Variants in RSPH10B observed in about 807,000 individuals in gnomAD.
The protein encoded by RSPH10B is radial spoke head 10 homolog B, also known as radial spoke head 10 homolog B (Chlamydomonas).
RSPH10B carries 7 observed loss-of-function variants against 52.5 expected under a neutral mutation model. The observed-to-expected ratio is 0.13, with a 90% CI of 0.08 to 0.25. The LOEUF (loss-of-function observed/expected upper bound fraction) is 0.25. Among genes scored for constraint, RSPH10B ranks in the 10% least tolerant of loss-of-function variants. The pLI is 1.00. For synonymous variants in RSPH10B, 28 were observed against 193.2 expected (o/e 0.14, Z 7.09); for missense variants, 89 against 542.5 (o/e 0.16, Z 8.30).
At chr7:5,927,450 ACTC>A (rs1779558986) in intron 18 of RSPH10B, among the ~76,000 whole-genome samples, 1 of 89,404 alleles carries the variant, frequency 1.1e-5, no homozygotes, top group Admixed American at 1.1e-4. Context: ...TAGTTATTGA[ACTC>A]AATCTCCAGC....
chr7:5,942,110 G>T (rs1275459535), intron 13 of RSPH10B, among the ~76,000 whole-genome samples: 5 of 148,048 alleles, frequency 3.4e-5, no homozygotes, highest in Non-Finnish European at 7.5e-5. Context: ...GGCCAGGCTG[G>T]TCTCAAACTC....
At chr7:5,957,561 G>A (rs1479951237) in intron 6 of RSPH10B, among the ~76,000 whole-genome samples, 1 of 38,286 alleles carries the variant, frequency 2.6e-5, no homozygotes, top group Non-Finnish European at 4.8e-5. Context: ...TGAGGCGCGC[G>A]GATCACTTGA....
intron 6 of RSPH10B, among the ~76,000 whole-genome samples, chr7:5,956,906 C>T (rs1221810932): frequency 1.0e-5 from 1 of 97,178 alleles, no homozygotes; most frequent in African/African-American, 3.6e-5. Context: ...GGGTGCTGTG[C>T]CTCATGCCTG....
intron 18 of RSPH10B, among the ~76,000 whole-genome samples, chr7:5,927,556 C>T (rs1315404381): frequency 7.7e-6 from 1 of 130,316 alleles, no homozygotes; most frequent in Admixed American, 7.6e-5. Flanking sequence ...CAGCGAGAAG[C>T]TATCGAGGGC....
chr7:5,968,230 A>T (rs1781164488), upstream of RSPH10B, among the ~76,000 whole-genome samples: 1 of 149,392 alleles, frequency 6.7e-6, no homozygotes, highest in Non-Finnish European at 1.5e-5. Context: ...CTCTACTAAA[A>T]ATACAAAAAA....
chr7:5,942,229 A>G (rs546146376), intron 13 of RSPH10B, among the ~76,000 whole-genome samples: 2 of 142,408 alleles, frequency 1.4e-5, no homozygotes, highest in South Asian at 2.2e-4. Context: ...CAGTCCATCA[A>G]AAAGACTAAG....
In RSPH10B at chr7:5,932,795, GA is replaced by G; in HGVS notation, c.2219del (p.Phe740SerfsTer31). On this transcript the variant is annotated frameshift_variant, in exon 17 of 19. Transcript: ENST00000337579. LOFTEE classifies it high-confidence loss of function. ...TAAAATACTCACTGCTCTCAGATGA[GA>G]AAAAGGTGATCCCTTTTCCAGTCAA... 2.6e-6 allele frequency: 1 copy of G among 390,900 alleles called. No individual in the cohort carries two copies. Among genetic ancestry groups the G allele is most frequent in the Admixed American group, 5.5e-5 (1 of 18,128 alleles). The allele number at this position is 390,900 out of a possible 1,614,324, so 24.2% of individuals were successfully genotyped here. A position where few individuals can be genotyped will look rare whatever the true frequency, so the allele number is the denominator to read the frequency against.
At chr7:5,944,306 G>A (rs1459397006) in intron 11 of RSPH10B, among the ~76,000 whole-genome samples, 3 of 150,740 alleles carry the variant, frequency 2.0e-5, no homozygotes, top group Admixed American at 1.3e-4. Context: ...GCTGAGGCAG[G>A]AGAATCACTG....
intron 13 of RSPH10B, among the ~76,000 whole-genome samples, chr7:5,940,282 C>T (rs1312995798): frequency 3.2e-5 from 1 of 31,404 alleles, no homozygotes; most frequent in Admixed American, 4.4e-4. Flanking sequence ...TCACTCATAC[C>T]GACCAGCCTG....
chr7:5,944,671 T>C (rs1319300852), intron 11 of RSPH10B, among the ~76,000 whole-genome samples: 3 of 145,874 alleles, frequency 2.1e-5, no homozygotes, highest in Non-Finnish European at 4.5e-5. Flanking sequence ...AAAAAAAGAC[T>C]GCTGAGGCTG....
intron 18 of RSPH10B, among the ~76,000 whole-genome samples, chr7:5,927,308 T>G (rs1320524208): frequency 2.8e-5 from 2 of 71,990 alleles, no homozygotes; most frequent in African/African-American, 1.1e-4. Context: ...CCTAGGCTGG[T>G]CTCAAACTCA....
chr7:5,941,242 C>T (rs1294471818), intron 13 of RSPH10B, among the ~76,000 whole-genome samples: 2 of 142,368 alleles, frequency 1.4e-5, no homozygotes, highest in Admixed American at 7.2e-5. Context: ...GTTGAGGTTG[C>T]AGGAAGCCAA....
rs1361121817 is a variant in RSPH10B, at chr7:5,960,081, CA to C, written c.573+609del. Among the ~76,000 whole-genome samples, 16 of 33,026 alleles carry C rather than the reference CA, an allele frequency of 4.8e-4. No individual in the cohort carries two copies. The East Asian group carries it at 5.4e-3, about 11-fold the overall frequency. The allele number at this position is 33,026 out of a possible 152,430, so 21.7% of individuals were successfully genotyped here. Reference sequence around the variant, plus strand: ...CACACACACACACACACACACACAACAACAACAACAACACAACTCAATAAAT... The same window carrying C: ...CACACACACACACACACACACACAACACAACAACAACACAACTCAATAAAT... On this transcript the variant is annotated intron_variant, in intron 4 of 18. Transcript: ENST00000337579.
intron 13 of RSPH10B, among the ~76,000 whole-genome samples, chr7:5,942,845 A>C (rs1360698258): frequency 6.7e-6 from 1 of 149,870 alleles, no homozygotes; most frequent in Non-Finnish European, 1.5e-5. Context: ...CTGAGTGACA[A>C]GAGCAAAACT....
chr7:5,931,584 G>C (rs1337946905), intron 17 of RSPH10B, among the ~76,000 whole-genome samples: 1 of 151,164 alleles, frequency 6.6e-6, no homozygotes, highest in Non-Finnish European at 1.5e-5. Context: ...ACCAGGCGCG[G>C]TTGGGCTCAT....
chr7:5,964,277 T>C (rs1232512373), intron 3 of RSPH10B, among the ~76,000 whole-genome samples: 1 of 150,634 alleles, frequency 6.6e-6, no homozygotes, highest in Non-Finnish European at 1.5e-5. Flanking sequence ...ACGTGTGCTC[T>C]CTGTGCTTAG....
At chr7:5,927,054 G>GTA (rs1562553121) in intron 18 of RSPH10B, among the ~76,000 whole-genome samples, 2 of 77,184 alleles carry the variant, frequency 2.6e-5, no homozygotes, top group East Asian at 8.6e-4. Context: ...TGTATTATGT[G>GTA]TGTGTGTGTG....
chr7:5,942,388 G>A (rs1356847007), intron 13 of RSPH10B, among the ~76,000 whole-genome samples: 2 of 130,768 alleles, frequency 1.5e-5, no homozygotes, highest in Non-Finnish European at 3.4e-5. Flanking sequence ...TACCACGCCC[G>A]GCTATGATTT....
chr7:5,933,109 T>C (rs1779857382), intron 16 of RSPH10B, among the ~76,000 whole-genome samples: 1 of 81,288 alleles, frequency 1.2e-5, no homozygotes, highest in African/African-American at 4.8e-5. Context: ...CCTCCGCCTC[T>C]CGGGTTCCAG....
Sources: allele counts gnomAD v4.1 joint callset (sites outside exome capture counted in the v4.1 genomes callset), GRCh38; gene constraint gnomAD v4.1.1; transcripts MANE v1.5; gene names NCBI Gene and HGNC (gene_info 2026-07-23, HGNC 2026-07-21).